STUM: variants seen among roughly 807,000 people sequenced by gnomAD.
The protein encoded by STUM is stum, mechanosensory transduction mediator homolog.
Under a neutral mutation model 15.3 loss-of-function variants are expected in STUM, and 8 were observed. The observed-to-expected ratio is 0.52, with a 90% CI of 0.31 to 0.94. The LOEUF (loss-of-function observed/expected upper bound fraction) is 0.94, where lower values mean the gene tolerates loss of function less well. Among genes scored for constraint, STUM ranks in the 40% least tolerant of loss-of-function variants. STUM has a pLI of 0.05. For missense variants in STUM, 142 were observed against 204.9 expected, an observed-to-expected ratio of 0.69 and a Z score of 1.87; for synonymous variants, 78 against 88.7, an observed-to-expected ratio of 0.88 and a Z score of 0.68.
chr1:226,599,886 A>G (rs1668239606), intron 2 of STUM, among the ~76,000 whole-genome samples: 1 of 152,198 alleles, frequency 6.6e-6, no homozygotes, highest in South Asian at 2.1e-4. Flanking sequence ...GGCAGTCACT[A>G]CTAATTGATC....
At position 226,602,011 on chromosome 1, in the gene STUM, A is replaced by G. The variant is rs1328472508; in HGVS notation, c.397A>G (p.Lys133Glu). The G allele has an allele frequency of 3.7e-6, 6 of 1,609,448 alleles. No homozygotes were observed. The East Asian group carries it at 1.3e-4, about 36-fold the overall frequency. ...CCTTTGCTTCTTCCTCACAGGCTAC[A>G]AGGAGCAGGGCATCCCACAGCAGCT... Reference protein sequence around the residue: ...MVILAISQGYKEQGIPQQL With the variant: ...MVILAISQGYEEQGIPQQL Residue 133 changes from lysine to glutamate, a missense_variant, in exon 4 of 4, where the codon AAG (lysine) becomes GAG (glutamate). Physicochemically the swap from Lys to Glu is moderately conservative, Grantham distance 56. Around this residue, in one of 2 missense-constraint regions of STUM, gnomAD observed 29 missense variants for 70.5 expected, o/e 0.41. Transcript: ENST00000366788.
In STUM at chr1:226,600,758, C is replaced by A; in HGVS notation, c.391+84C>A. The A allele has an allele frequency of 7.0e-7, 1 of 1,430,642 alleles. No individual in the cohort carries two copies. Among genetic ancestry groups the A allele is most frequent in the East Asian group, 2.3e-5 (1 of 43,962 alleles). The allele number at this position is 1,430,642 out of a possible 1,614,324, so 88.6% of individuals were successfully genotyped here. ...CGAGACCCCCACTCCTGCACACAAACACCCCACCCACTCTCCCAGTGGGTC... is the reference window on the plus strand; with the variant it reads ...CGAGACCCCCACTCCTGCACACAAAAACCCCACCCACTCTCCCAGTGGGTC... On this transcript the variant is annotated intron_variant, in intron 3 of 3. Transcript: ENST00000366788. The surrounding 1 kb of genome is among the most constrained non-coding windows in gnomAD (Gnocchi z 5.2).
At chr1:226,601,934 TA>T (rs1278677459) in intron 3 of STUM, 71 bp from the exon 4 acceptor site, 3 of 1,358,380 alleles carry the variant, frequency 2.2e-6, no homozygotes, top group African/African-American at 2.9e-5. Flanking sequence ...CATTCTGGGC[TA>T]GGGGCACCTC....
intron 1 of STUM, among the ~76,000 whole-genome samples, chr1:226,554,380 A>G (rs540898848): frequency 1.3e-5 from 2 of 152,336 alleles, no homozygotes; most frequent in African/African-American, 4.8e-5. Flanking sequence ...AGAGGCATGA[A>G]TACCCCAATC....
chr1:226,555,877 T>G (rs1667437843), intron 1 of STUM, among the ~76,000 whole-genome samples: 1 of 152,242 alleles, frequency 6.6e-6, no homozygotes, highest in Non-Finnish European at 1.5e-5. Flanking sequence ...AAAATTTTTC[T>G]AGTACATACC....
At chr1:226,572,953 A>G (rs917581528) in intron 1 of STUM, among the ~76,000 whole-genome samples, 1 of 152,226 alleles carries the variant, frequency 6.6e-6, no homozygotes, top group Non-Finnish European at 1.5e-5. Context: ...AGCCAGGGCT[A>G]GAACCCAGGC....
chr1:226,557,289 G>A (rs1247526251), intron 1 of STUM, among the ~76,000 whole-genome samples: 1 of 152,156 alleles, frequency 6.6e-6, no homozygotes, highest in East Asian at 1.9e-4. Flanking sequence ...CATTCATGTT[G>A]TTGCAAATGA....
chr1:226,601,882 A>G, intron 3 of STUM, 124 bp from the exon 4 acceptor site: 1 of 750,786 alleles, frequency 1.3e-6, no homozygotes, highest in South Asian at 1.5e-5. Context: ...CTCTGATGGT[A>G]GCAGTCATTT....
At chr1:226,594,422 A>G (rs1012766976) in intron 1 of STUM, among the ~76,000 whole-genome samples, 2 of 152,222 alleles carry the variant, frequency 1.3e-5, no homozygotes, top group African/African-American at 4.8e-5. Context: ...GGAATGTGAC[A>G]ATGGTCACCA....
intron 1 of STUM, among the ~76,000 whole-genome samples, chr1:226,573,875 G>A (rs1012062264): frequency 1.3e-5 from 2 of 148,790 alleles, no homozygotes; most frequent in South Asian, 2.1e-4. Flanking sequence ...TTGCTCTGTC[G>A]CCAGGCTGGG....
chr1:226,587,419 A>G (rs1027703172), intron 1 of STUM, among the ~76,000 whole-genome samples: 1 of 152,122 alleles, frequency 6.6e-6, no homozygotes, highest in Non-Finnish European at 1.5e-5. Flanking sequence ...AATCAAAGGC[A>G]CACACTAACA....
chr1:226,568,016 C>T (rs565216744), intron 1 of STUM, among the ~76,000 whole-genome samples: 15 of 152,292 alleles, frequency 9.8e-5, no homozygotes, highest in South Asian at 4.1e-4. Flanking sequence ...AGGTCATGTG[C>T]GTGCCCGGGA....
chr1:226,551,423 C>G (rs1571790413), intron 1 of STUM, among the ~76,000 whole-genome samples: 1 of 152,234 alleles, frequency 6.6e-6, no homozygotes. Flanking sequence ...CTCTGCTCCC[C>G]TCTCCACCTG....
intron 1 of STUM, among the ~76,000 whole-genome samples, chr1:226,569,718 C>G (rs1667677385): frequency 6.6e-6 from 1 of 152,128 alleles, no homozygotes; most frequent in South Asian, 2.1e-4. Context: ...CCCCCAAAGC[C>G]TGGGATTGAG....
At chr1:226,557,360 C>T (rs78019469) in intron 1 of STUM, among the ~76,000 whole-genome samples, 1,970 of 152,320 alleles carry the variant, frequency 0.013, 23 homozygotes, top group Middle Eastern at 0.02. Context: ...TATATACCCC[C>T]TTTTCTTTAT....
At chr1:226,588,273 G>A (rs147856644) in intron 1 of STUM, among the ~76,000 whole-genome samples, 1 of 152,170 alleles carries the variant, frequency 6.6e-6, no homozygotes, top group South Asian at 2.1e-4. Context: ...CCGCAGACCT[G>A]CTCAGCTTCG....
At chr1:226,553,152 T>C (rs1312521157) in intron 1 of STUM, among the ~76,000 whole-genome samples, 1 of 152,190 alleles carries the variant, frequency 6.6e-6, no homozygotes, top group African/African-American at 2.4e-5. Flanking sequence ...CAGTGAATCC[T>C]ATACAGAGTA....
intron 1 of STUM, among the ~76,000 whole-genome samples, chr1:226,557,954 C>A (rs1002663556): frequency 6.6e-6 from 1 of 152,174 alleles, no homozygotes; most frequent in African/African-American, 2.4e-5. Context: ...GATAAAAAAT[C>A]TCACCAAAGT....
intron 1 of STUM, among the ~76,000 whole-genome samples, chr1:226,558,039 G>A (rs150231036): frequency 6.6e-6 from 1 of 152,310 alleles, no homozygotes; most frequent in African/African-American, 2.4e-5. Flanking sequence ...TATACTCAAC[G>A]TGAAAAGTTG....
Sources: gnomAD v4.1 joint callset for allele counts (sites outside exome capture counted in the v4.1 genomes callset) on GRCh38, gnomAD v4.1.1 for gene constraint, gnomAD v4.1.1 regional missense constraint, Gnocchi (gnomAD v3.1) non-coding constraint, MANE v1.5 for transcripts, NCBI Gene and HGNC (gene_info 2026-07-23, HGNC 2026-07-21) for gene names.